Variants in SLIT2 observed in about 807,000 individuals in gnomAD.
The protein encoded by SLIT2 is slit guidance ligand 2, also known as slit homolog 2 protein.
Under a neutral mutation model 185.7 loss-of-function variants are expected in SLIT2, and 41 were observed. The ratio of observed to expected loss-of-function variants is 0.22; its 90% CI spans 0.17 to 0.29. The LOEUF (loss-of-function observed/expected upper bound fraction) is 0.29, where lower values mean the gene tolerates loss of function less well. Ranked by LOEUF, SLIT2 falls within the 10% of genes least tolerant of loss-of-function variation. SLIT2 has a pLI of 1.00. For missense variants in SLIT2, 1,571 were observed against 1,909.0 expected (o/e 0.82, Z 3.30); for synonymous variants, 693 against 680.2 (o/e 1.02, Z -0.29).
rs551196345 is a variant in SLIT2 at position 20,528,867 on chromosome 4, T to C, written c.1463-82T>C. 31 of 1,116,500 alleles carry C rather than the reference T, an allele frequency of 2.8e-5. No homozygotes were observed. The highest frequency in any genetic ancestry group is 3.5e-5 in the Non-Finnish European group (27 of 779,880). 69.2% of individuals were successfully genotyped at this position (1,116,500 alleles called of 1,614,324 possible). A position where few individuals can be genotyped will look rare whatever the true frequency, so the allele number is the denominator to read the frequency against. On this transcript the variant is annotated intron_variant, in intron 15 of 36. Transcript: ENST00000504154. This position sits in a 1 kb window ranked among gnomAD's most constrained non-coding sequence, Gnocchi z 4.2. ...CTCCCTGCTACATAATCTATAGTTA[T>C]CTTACTTTTTTCTTCCTACAAACTA...
intron 30 of SLIT2, 111 bp from the exon 31 acceptor site, chr4:20,595,586 C>A: frequency 7.4e-7 from 1 of 1,349,072 alleles, no homozygotes; most frequent in Non-Finnish European, 1.0e-6. Flanking sequence ...GCTCTATGAG[C>A]CTATTCTAAA....
chr4:20,500,394 T>C (rs964108686), intron 9 of SLIT2, among the ~76,000 whole-genome samples: 4 of 152,152 alleles, frequency 2.6e-5, no homozygotes, highest in Middle Eastern at 3.2e-3. Flanking sequence ...CATTTTGCAG[T>C]TTTACACATT....
intron 9 of SLIT2, among the ~76,000 whole-genome samples, chr4:20,497,051 T>C (rs1718288822): frequency 6.9e-6 from 1 of 145,882 alleles, no homozygotes; most frequent in African/African-American, 2.5e-5. Flanking sequence ...TTCCACTCTT[T>C]AAATATTTCT....
intron 26 of SLIT2, among the ~76,000 whole-genome samples, chr4:20,565,626 T>C (rs1725028961): frequency 1.3e-5 from 2 of 151,926 alleles, no homozygotes; most frequent in Non-Finnish European, 2.9e-5. Context: ...TTCCCAGCTG[T>C]AATTTGATAT....
chr4:20,494,727 G>A (rs942257705), intron 9 of SLIT2, among the ~76,000 whole-genome samples: 2 of 150,758 alleles, frequency 1.3e-5, no homozygotes, highest in Admixed American at 1.3e-4. Flanking sequence ...GTAGTGAGCC[G>A]AGATAGCGCC....
intron 4 of SLIT2, among the ~76,000 whole-genome samples, chr4:20,445,348 A>T (rs138921105): frequency 6.6e-6 from 1 of 152,326 alleles, no homozygotes; most frequent in African/African-American, 2.4e-5. Context: ...GATCCATTTA[A>T]AAAGAATCTT....
In SLIT2 at chr4:20,590,107, G is replaced by A. The variant is rs539289146; in HGVS notation, c.3182+370G>A. 3.2e-3 allele frequency among the ~76,000 whole-genome samples: 484 copies of A among 151,850 alleles called. 1 individual carries two copies. Among genetic ancestry groups the A allele is most frequent in the African/African-American group, 7.8e-3 (324 of 41,440 alleles). On this transcript the variant is annotated intron_variant, in intron 30 of 36. Transcript: ENST00000504154. The stretch of plus-strand genomic sequence containing the variant: ...TTTTTAGTAGAGACGGGGTTTCACC[G>A]TGTTAGCCAGGATGGTCTCGATCTC...
intron 4 of SLIT2, among the ~76,000 whole-genome samples, chr4:20,310,758 G>A (rs1423803872): frequency 1.3e-5 from 2 of 152,120 alleles, no homozygotes; most frequent in Non-Finnish European, 2.9e-5. Flanking sequence ...TTTCAAGTAA[G>A]TTTCCACTCA....
chr4:20,277,325 T>A (rs1324745770), intron 4 of SLIT2, among the ~76,000 whole-genome samples: 1 of 152,126 alleles, frequency 6.6e-6, no homozygotes, highest in East Asian at 1.9e-4. Context: ...CATTATAAAC[T>A]TTTTAAGGAA....
intron 4 of SLIT2, among the ~76,000 whole-genome samples, chr4:20,292,836 G>T (rs1323984437): frequency 6.6e-6 from 1 of 152,084 alleles, no homozygotes; most frequent in Non-Finnish European, 1.5e-5. Flanking sequence ...TTATATGATT[G>T]AGTAATGATA....
At chr4:20,509,805 T>C (rs145962173) in intron 9 of SLIT2, among the ~76,000 whole-genome samples, 2 of 152,174 alleles carry the variant, frequency 1.3e-5, no homozygotes, top group Non-Finnish European at 2.9e-5. Context: ...ATAGATGATA[T>C]CAGTTATTTT....
At chr4:20,426,134 G>C (rs1184799680) in intron 4 of SLIT2, among the ~76,000 whole-genome samples, 7 of 152,236 alleles carry the variant, frequency 4.6e-5, no homozygotes, top group East Asian at 3.9e-4. Flanking sequence ...GTGTAGTGTG[G>C]TACCTAACAC....
chr4:20,554,874 A>G (rs1001797815), intron 26 of SLIT2, among the ~76,000 whole-genome samples: 3 of 152,024 alleles, frequency 2.0e-5, no homozygotes, highest in Admixed American at 6.5e-5. Flanking sequence ...GGCTCAAGCA[A>G]TTCTCCTGCC....
At chr4:20,276,823 C>A (rs1229888534) in intron 4 of SLIT2, among the ~76,000 whole-genome samples, 1 of 152,148 alleles carries the variant, frequency 6.6e-6, no homozygotes, top group Non-Finnish European at 1.5e-5. Flanking sequence ...ATGTCTTAAA[C>A]CATCAGAATT....
chr4:20,587,810 T>C lies in SLIT2; in HGVS notation c.3089-1834T>C, dbSNP rs145477747. Among the ~76,000 whole-genome samples the C allele has an allele frequency of 2.5e-3, 381 of 152,350 alleles. 1 individual carries two copies. Among genetic ancestry groups the C allele is most frequent in the African/African-American group, 8.6e-3 (359 of 41,580 alleles). On this transcript the variant is annotated intron_variant, in intron 29 of 36. Transcript: ENST00000504154. ...TGGACTGTGACTTAGATTGGATGAA[T>C]TGGGTTGGATTGTATCAGAGTAAAT...
chr4:20,542,989 T>G (rs1411978228), intron 21 of SLIT2, among the ~76,000 whole-genome samples: 1 of 152,094 alleles, frequency 6.6e-6, no homozygotes, highest in Non-Finnish European at 1.5e-5. Context: ...TGGAGCATCT[T>G]ACAAGACTAA....
chr4:20,446,684 T>TCTG (rs1157477041), intron 4 of SLIT2, among the ~76,000 whole-genome samples: 1 of 152,230 alleles, frequency 6.6e-6, no homozygotes, highest in Non-Finnish European at 1.5e-5. Flanking sequence ...AGAACATCCC[T>TCTG]CTGCATATCT....
At chr4:20,604,575 C>T (rs543892819) in intron 33 of SLIT2, among the ~76,000 whole-genome samples, 1 of 152,218 alleles carries the variant, frequency 6.6e-6, no homozygotes, top group East Asian at 1.9e-4. Flanking sequence ...TCTCCATTTC[C>T]TGACCTTGTG....
chr4:20,603,522 A>G (rs1728565844), intron 33 of SLIT2, among the ~76,000 whole-genome samples: 1 of 150,482 alleles, frequency 6.6e-6, no homozygotes, highest in African/African-American at 2.5e-5. Flanking sequence ...CTAGAAAAAC[A>G]TAAACTTTTT....
Sources: gnomAD v4.1 joint callset for allele counts (sites outside exome capture counted in the v4.1 genomes callset) on GRCh38, gnomAD v4.1.1 for gene constraint, Gnocchi (gnomAD v3.1) non-coding constraint, MANE v1.5 for transcripts, NCBI Gene and HGNC (gene_info 2026-07-23, HGNC 2026-07-21) for gene names.